The following NRCAM variants were observed in gnomAD, a reference collection of about 807,000 sequenced individuals.
The protein encoded by NRCAM is NgCAM-related cell adhesion molecule.
NRCAM carries 83 observed loss-of-function variants against 156.5 expected under a neutral mutation model. The ratio of observed to expected loss-of-function variants is 0.53; its 90% confidence interval spans 0.44 to 0.64. NRCAM has a LOEUF of 0.64. Among genes scored for constraint, NRCAM ranks in the 30% least tolerant of loss-of-function variants. The probability of loss-of-function intolerance (pLI) is 0.00; values close to 1 mark genes in which losing one functional copy is unlikely to be tolerated. For synonymous variants in NRCAM, 538 were observed against 563.9 expected (o/e 0.95, Z 0.65); for missense variants, 1,417 against 1,597.3 (o/e 0.89, Z 1.92).
intron 13 of NRCAM, 97 bp from the exon 14 acceptor site, chr7:108,198,196 T>A: frequency 1.2e-6 from 1 of 849,730 alleles, no homozygotes; most frequent in Non-Finnish European, 1.8e-6. Context: ...AAGACTGCTC[T>A]AAGTACATGC....
intron 20 of NRCAM, among the ~76,000 whole-genome samples, chr7:108,188,734 C>G (rs1228542338): frequency 6.7e-6 from 1 of 148,322 alleles, no homozygotes; most frequent in Non-Finnish European, 1.5e-5. Flanking sequence ...GTGTTCTGAT[C>G]AAGGACATTG....
At chr7:108,150,270 A>G in intron 32 of NRCAM, 123 bp from the exon 33 acceptor site, 1 of 783,864 alleles carries the variant, frequency 1.3e-6, no homozygotes, top group Non-Finnish European at 2.1e-6. Flanking sequence ...GGCCAAATCT[A>G]ATTTTCAGGT....
chr7:108,171,901 ATTT>A (rs1239225811), intron 28 of NRCAM, among the ~76,000 whole-genome samples: 2 of 152,088 alleles, frequency 1.3e-5, no homozygotes, highest in African/African-American at 4.8e-5. Flanking sequence ...AAGGAATTTT[ATTT>A]TTTATTTACT....
At chr7:108,441,213 G>C (rs894234319) in intron 1 of NRCAM, among the ~76,000 whole-genome samples, 1 of 152,076 alleles carries the variant, frequency 6.6e-6, no homozygotes, top group African/African-American at 2.4e-5. Flanking sequence ...TTTTTTCCTT[G>C]AGAATATGCA....
At chr7:108,207,496 T>C (rs891996055) in intron 13 of NRCAM, 32 bp downstream of exon 13, 128 of 1,606,324 alleles carry the variant, frequency 8.0e-5, no homozygotes, top group Non-Finnish European at 1.0e-4. Flanking sequence ...TCTGAAAATA[T>C]ACTGCAATTA....
intron 1 of NRCAM, among the ~76,000 whole-genome samples, chr7:108,449,371 C>T (rs187571772): frequency 6.6e-5 from 10 of 152,320 alleles, no homozygotes; most frequent in Admixed American, 6.5e-4. Context: ...GCTCCCCCCT[C>T]CCTTCACTGA....
intron 2 of NRCAM, among the ~76,000 whole-genome samples, chr7:108,362,995 CTTGCTAAACAAACAAACAAA>C (rs1461673615): frequency 4.6e-5 from 7 of 152,054 alleles, no homozygotes; most frequent in Admixed American, 2.0e-4. Flanking sequence ...ATCTTAAGAA[CTTGCTAAACAAACAAACAAA>C]ACTCTAAAAC....
chr7:108,308,192 C>G lies in NRCAM; in HGVS notation c.-107+4473G>C, dbSNP rs77952561. ...ATTATTTTAATAGAGGTTGTACTTG[C>G]TGGGAACAAGAGCCACAGGGCAGTG... On this transcript the variant is annotated intron_variant, in intron 3 of 32. Coordinates refer to ENST00000379028, the MANE Select transcript of NRCAM (RefSeq NM_001037132.4). Among the ~76,000 whole-genome samples, 1,519 of 152,280 alleles carry G rather than the reference C, an allele frequency of 1.0e-2. 21 individuals carry two copies. Among genetic ancestry groups the G allele is most frequent in the African/African-American group, 0.034 (1,425 of 41,550 alleles).
At chr7:108,184,674 C>T in intron 20 of NRCAM, 60 bp from the exon 21 acceptor site, 1 of 1,478,400 alleles carries the variant, frequency 6.8e-7, no homozygotes, top group Non-Finnish European at 9.2e-7. Flanking sequence ...TCAGGGGTAG[C>T]TGCCAGCAAT....
intron 3 of NRCAM, among the ~76,000 whole-genome samples, chr7:108,261,627 C>T (rs193188886): frequency 1.3e-5 from 2 of 152,260 alleles, no homozygotes; most frequent in Non-Finnish European, 2.9e-5. Flanking sequence ...TATTGGACCC[C>T]TCGTGTGCAC....
rs147573423 is a variant in NRCAM, at chr7:108,221,474, T to C, written c.890+2251A>G. 5.6e-3 allele frequency among the ~76,000 whole-genome samples: 851 copies of C among 152,156 alleles called. 8 individuals carry two copies. Among genetic ancestry groups the C allele is most frequent in the African/African-American group, 0.019 (803 of 41,438 alleles). On this transcript the variant is annotated intron_variant, in intron 11 of 32. Coordinates refer to ENST00000379028, the MANE Select transcript of NRCAM (RefSeq NM_001037132.4). The stretch of plus-strand genomic sequence containing the variant: ...AAATGCCCATCAATCAACAAGTGGA[T>C]AAAGAAACTGTGGTATATATATATG...
At chr7:108,418,379 G>GAC (rs1804411803) in intron 1 of NRCAM, among the ~76,000 whole-genome samples, 1 of 152,088 alleles carries the variant, frequency 6.6e-6, no homozygotes, top group South Asian at 2.1e-4. Context: ...CATCTCCAGG[G>GAC]ACACCAATCA....
chr7:108,211,088 G>A (rs958621543), intron 11 of NRCAM, among the ~76,000 whole-genome samples: 3 of 152,210 alleles, frequency 2.0e-5, no homozygotes, highest in Non-Finnish European at 2.9e-5. Context: ...TGCAGGACCC[G>A]GGAGATATCC....
intron 2 of NRCAM, among the ~76,000 whole-genome samples, chr7:108,395,702 T>A (rs1250558755): frequency 6.6e-6 from 1 of 152,168 alleles, no homozygotes; most frequent in South Asian, 2.1e-4. Flanking sequence ...TGTTCCAAAC[T>A]CTGAATACTT....
chr7:108,348,104 T>C (rs2099382782), intron 2 of NRCAM, among the ~76,000 whole-genome samples: 1 of 152,250 alleles, frequency 6.6e-6, no homozygotes, highest in Non-Finnish European at 1.5e-5. Context: ...AATGAATAAA[T>C]GTCTACGTAA....
intron 2 of NRCAM, among the ~76,000 whole-genome samples, chr7:108,339,912 T>C (rs1247236761): frequency 6.7e-6 from 1 of 148,532 alleles, no homozygotes; most frequent in Non-Finnish European, 1.5e-5. Flanking sequence ...TTCTTCTGCA[T>C]TACCTCCTGG....
intron 1 of NRCAM, among the ~76,000 whole-genome samples, chr7:108,403,212 C>T (rs78166334): frequency 0.06 from 9,163 of 152,238 alleles, 292 homozygotes; most frequent in East Asian, 0.11. Flanking sequence ...TTGTTAGAAA[C>T]AAGTGAAGCC....
chr7:108,366,906 T>C (rs2099595041), intron 2 of NRCAM, among the ~76,000 whole-genome samples: 1 of 152,218 alleles, frequency 6.6e-6, no homozygotes, highest in Non-Finnish European at 1.5e-5. Context: ...AGCTAAAGAT[T>C]TTCCCATTCT....
chr7:108,319,432 T>C (rs1453548222), intron 2 of NRCAM, among the ~76,000 whole-genome samples: 4 of 152,218 alleles, frequency 2.6e-5, no homozygotes, highest in Non-Finnish European at 5.9e-5. Context: ...CACCTCGTTA[T>C]GCAAAACATT....
Sources: allele counts gnomAD v4.1 joint callset (sites outside exome capture counted in the v4.1 genomes callset), GRCh38; gene constraint gnomAD v4.1.1; transcripts MANE v1.5; gene names NCBI Gene and HGNC (gene_info 2026-07-23, HGNC 2026-07-21).